DTNB: variants seen among roughly 807,000 people sequenced by gnomAD.
The protein encoded by DTNB is dystrobrevin beta, also known as DTN-B.
In DTNB, 63 loss-of-function variants were observed where a neutral mutation model predicts 90.7. That is an observed-to-expected ratio of 0.69 (90% CI 0.57 to 0.86). The LOEUF (loss-of-function observed/expected upper bound fraction) is 0.86. Among genes scored for constraint, DTNB ranks in the 40% least tolerant of loss-of-function variants. The pLI, the probability that DTNB is intolerant of heterozygous loss-of-function variation, is 0.00. For synonymous variants in DTNB, 277 were observed against 286.7 expected, an observed-to-expected ratio of 0.97 and a Z score of 0.34; for missense variants, 744 against 807.1, an observed-to-expected ratio of 0.92 and a Z score of 0.95.
chr2:25,417,520 G>T (rs922587562), intron 16 of DTNB, among the ~76,000 whole-genome samples: 2 of 152,216 alleles, frequency 1.3e-5, no homozygotes, highest in African/African-American at 4.8e-5. Context: ...CACAATGCCT[G>T]CCCTCTTCTG....
At chr2:25,555,230 G>A (rs1371806007) in intron 8 of DTNB, among the ~76,000 whole-genome samples, 2 of 147,176 alleles carry the variant, frequency 1.4e-5, no homozygotes, top group Non-Finnish European at 3.0e-5. Flanking sequence ...GGCGGAGCTT[G>A]CAGTGAACGA....
intron 10 of DTNB, among the ~76,000 whole-genome samples, chr2:25,459,815 T>A (rs560988141): frequency 6.6e-6 from 1 of 152,012 alleles, no homozygotes; most frequent in Non-Finnish European, 1.5e-5. Context: ...TATATTTTAA[T>A]AAGATCATTA....
chr2:25,652,706 A>G, intron 1 of DTNB, 45 bp from the exon 2 acceptor site: 3 of 1,588,356 alleles, frequency 1.9e-6, no homozygotes, highest in South Asian at 2.3e-5. Context: ...TAATTCGACA[A>G]TTCAATCAAG....
chr2:25,420,512 A>ATCTG lies in DTNB; in HGVS notation c.1555-978_1555-977insCAGA, dbSNP rs1293318670. 2.2e-3 allele frequency among the ~76,000 whole-genome samples: 227 copies of ATCTG among 103,174 alleles called. 2 individuals are homozygous for ATCTG. The highest frequency in any genetic ancestry group is 6.4e-3 in the African/African-American group (219 of 34,172). 67.7% of individuals were successfully genotyped at this position (103,174 alleles called of 152,430 possible). On this transcript the variant is annotated intron_variant, in intron 15 of 20. Transcript: ENST00000406818. Reference sequence around the variant, plus strand: ...TATCTATCTATCTATCTATCTATCTATCTATCTATCTGTCTGTCTATCGAC... The same window carrying ATCTG: ...TATCTATCTATCTATCTATCTATCTATCTGTCTATCTATCTGTCTGTCTATCGAC...
intron 5 of DTNB, among the ~76,000 whole-genome samples, chr2:25,600,555 T>C (rs1293690165): frequency 6.6e-6 from 1 of 152,242 alleles, no homozygotes; most frequent in Non-Finnish European, 1.5e-5. Flanking sequence ...AATCCCAATC[T>C]GCTTAAGCCA....
At chr2:25,576,165 T>C (rs2060612310) in intron 8 of DTNB, among the ~76,000 whole-genome samples, 1 of 152,026 alleles carries the variant, frequency 6.6e-6, no homozygotes, top group South Asian at 2.1e-4. Context: ...ACTTTAAGTC[T>C]TACTTAGAGC....
intron 5 of DTNB, among the ~76,000 whole-genome samples, chr2:25,599,700 A>G (rs2148443996): frequency 6.6e-6 from 1 of 152,314 alleles, no homozygotes; most frequent in South Asian, 2.1e-4. Context: ...ATTTGACCAC[A>G]GTTCTAGACT....
chr2:25,485,888 C>G (rs2066006835), intron 9 of DTNB, among the ~76,000 whole-genome samples: 1 of 151,912 alleles, frequency 6.6e-6, no homozygotes, highest in African/African-American at 2.4e-5. Flanking sequence ...CTTTGGGAAG[C>G]TGAGGTGGGT....
chr2:25,625,551 A>ATTTT (rs66586812), intron 4 of DTNB, among the ~76,000 whole-genome samples: 7 of 73,956 alleles, frequency 9.5e-5, no homozygotes, highest in African/African-American at 2.3e-4. Context: ...TAACTCACTC[A>ATTTT]TTTTTTTTTT....
At chr2:25,422,395 CTTTTTTTTTTTTTTTTTT>C (rs146697158) in intron 15 of DTNB, among the ~76,000 whole-genome samples, 32 of 82,924 alleles carry the variant, frequency 3.9e-4, no homozygotes, top group African/African-American at 1.4e-3. Context: ...CTTTTCTCTT[CTTTTTTTTTTTTTTTTTT>C]TTTTTTTTTT....
chr2:25,403,487 C>G (rs915578667), intron 16 of DTNB, among the ~76,000 whole-genome samples: 1 of 152,096 alleles, frequency 6.6e-6, no homozygotes, highest in African/African-American at 2.4e-5. Flanking sequence ...CCTCACCAAC[C>G]AAGAGAAAAA....
intron 8 of DTNB, among the ~76,000 whole-genome samples, chr2:25,575,637 T>C (rs1407172011): frequency 1.1e-4 from 16 of 152,206 alleles, no homozygotes; most frequent in Non-Finnish European, 2.4e-4. Context: ...GTTTATTTGC[T>C]TTTTCTTGGT....
rs148129817 is a variant in DTNB, at chr2:25,433,018, C to T, written c.1344-19G>A. 1.1e-3 allele frequency: 1,780 copies of T among 1,583,066 alleles called. 23 individuals are homozygous for T. In the African/African-American group the frequency reaches 0.021, roughly 19 times the overall value. On this transcript the variant is annotated intron_variant, in intron 13 of 20. Coordinates refer to ENST00000406818, the MANE Select transcript of DTNB (RefSeq NM_021907.5). ...GATCTCTCTAGAGAGGATGGGTGAA[C>T]GGAAAGGGGCTGCACAGTGCTTCTC...
chr2:25,500,423 C>T (rs2070285393), intron 9 of DTNB, among the ~76,000 whole-genome samples: 1 of 152,186 alleles, frequency 6.6e-6, no homozygotes, highest in African/African-American at 2.4e-5. Flanking sequence ...AGCAGCGCTC[C>T]TCATGCGTAC....
At chr2:25,499,885 C>T (rs576180956) in intron 9 of DTNB, among the ~76,000 whole-genome samples, 1 of 152,176 alleles carries the variant, frequency 6.6e-6, no homozygotes, top group Non-Finnish European at 1.5e-5. Flanking sequence ...TATAATTCTA[C>T]TTACCATTCT....
At chr2:25,545,710 C>A (rs1321531359) in intron 8 of DTNB, among the ~76,000 whole-genome samples, 1 of 152,162 alleles carries the variant, frequency 6.6e-6, no homozygotes, top group African/African-American at 2.4e-5. Flanking sequence ...CAGCCTCCGC[C>A]TCCCGGGTTC....
At chr2:25,404,846 ACT>A (rs1239547013) in intron 16 of DTNB, among the ~76,000 whole-genome samples, 1 of 152,062 alleles carries the variant, frequency 6.6e-6, no homozygotes, top group African/African-American at 2.4e-5. Context: ...CAAGAGTGAA[ACT>A]CTGTCTCAAA....
At chr2:25,657,037 G>A (rs2082190628) in intron 1 of DTNB, among the ~76,000 whole-genome samples, 1 of 152,156 alleles carries the variant, frequency 6.6e-6, no homozygotes, top group Non-Finnish European at 1.5e-5. Flanking sequence ...TTAACTGGGT[G>A]TGGTGGTGCA....
intron 4 of DTNB, among the ~76,000 whole-genome samples, chr2:25,610,228 C>T (rs562690492): frequency 2.6e-5 from 4 of 152,264 alleles, no homozygotes; most frequent in Admixed American, 6.5e-5. Flanking sequence ...CTCCCACCTT[C>T]GCCTCCTGAG....
Sources: gnomAD v4.1 joint callset for allele counts (sites outside exome capture counted in the v4.1 genomes callset) on GRCh38, gnomAD v4.1.1 for gene constraint, MANE v1.5 for transcripts, NCBI Gene and HGNC (gene_info 2026-07-23, HGNC 2026-07-21) for gene names.